Variants in NLRP11 observed in about 807,000 individuals in gnomAD.
NLRP11 encodes NACHT, LRR and PYD domains-containing protein 11.
NLRP11 carries 53 observed loss-of-function variants against 79.3 expected under a neutral mutation model. The observed-to-expected ratio is 0.67, with a 90% CI of 0.54 to 0.84. NLRP11 has a LOEUF of 0.84. Among genes scored for constraint, NLRP11 ranks in the 40% least tolerant of loss-of-function variants. The probability of loss-of-function intolerance (pLI) is 0.00; values close to 1 mark genes in which losing one functional copy is unlikely to be tolerated. For missense variants in NLRP11, 1,264 were observed against 1,255.0 expected, an observed-to-expected ratio of 1.01 and a Z score of -0.11; for synonymous variants, 518 against 462.6, an observed-to-expected ratio of 1.12 and a Z score of -1.54.
At chr19:55,798,328 C>T (rs897143046) in intron 5 of NLRP11, 55 of 985,088 alleles carry the variant, frequency 5.6e-5, no homozygotes, top group Middle Eastern at 5.2e-4. Context: ...AAGTGAAAGC[C>T]GTTGAGGGCC....
upstream of NLRP11, among the ~76,000 whole-genome samples, chr19:55,835,753 C>T (rs1404693737): frequency 6.6e-6 from 1 of 150,542 alleles, no homozygotes; most frequent in South Asian, 2.1e-4. Context: ...GAGGCCGAGG[C>T]GGTCAGAACA....
chr19:55,819,907 C>T (rs1310105620), intron 1 of NLRP11, among the ~76,000 whole-genome samples: 1 of 152,104 alleles, frequency 6.6e-6, no homozygotes, highest in African/African-American at 2.4e-5. Flanking sequence ...ACCTCATATA[C>T]CAGGTACTAT....
chr19:55,813,159 C>G (rs1005429297), intron 2 of NLRP11, among the ~76,000 whole-genome samples: 4 of 152,146 alleles, frequency 2.6e-5, no homozygotes, highest in South Asian at 2.1e-4. Context: ...GAAACCCCAT[C>G]TCTACTAAAA....
chr19:55,785,615 T>C, exon 10 of NLRP11: 1 of 1,608,254 alleles, frequency 6.2e-7, no homozygotes, highest in African/African-American at 1.3e-5. Context: ...ACTGTTTACG[T>C]ACAACATGAT....
At chr19:55,816,752 G>A (rs1229047625) in intron 2 of NLRP11, among the ~76,000 whole-genome samples, 1 of 152,142 alleles carries the variant, frequency 6.6e-6, no homozygotes, top group East Asian at 1.9e-4. Flanking sequence ...GCTCTCTGCT[G>A]GGAAATCTGC....
chr19:55,793,555 C>CAAAA lies in NLRP11; in HGVS notation c.2343-1085_2343-1084insTTTT, dbSNP rs1385442204. On this transcript the variant is annotated intron_variant, in intron 6 of 9. Coordinates refer to ENST00000589093, the Ensembl canonical transcript of NLRP11. Reference sequence around the variant, plus strand: ...TGCACTCCAGCCTGGGTGACTGTCTCCAAAAAAAAAAAAAAAAAAAAAAAA... The same window carrying CAAAA: ...TGCACTCCAGCCTGGGTGACTGTCTCAAAACAAAAAAAAAAAAAAAAAAAAAAAA... Among the ~76,000 whole-genome samples the CAAAA allele has an allele frequency of 5.1e-3, 155 of 30,674 alleles. 1 individual carries two copies. The highest frequency in any genetic ancestry group is 7.5e-3 in the Non-Finnish European group (132 of 17,492). 20.1% of individuals were successfully genotyped at this position (30,674 alleles called of 152,430 possible).
At position 55,785,881 on chromosome 19, in the gene NLRP11, A is replaced by AAG; in HGVS notation, c.2856-11_2856-10insCT. On this transcript the variant is annotated splice_polypyrimidine_tract_variant and intron_variant, in intron 9 of 9. Coordinates refer to ENST00000589093, the Ensembl canonical transcript of NLRP11. ...GCCAGTTAATGGAAGCCTGAAGGAA[A>AAG]ACAGAGAGAGAACGCCGTTAATGCT... 1 of 1,609,296 alleles carries AAG rather than the reference A, an allele frequency of 6.2e-7. No individual in the cohort carries two copies. Among genetic ancestry groups the AAG allele is most frequent in the South Asian group, 1.1e-5 (1 of 90,170 alleles).
chr19:55,809,610 C>A lies in NLRP11; in HGVS notation c.1000G>T (p.Gly334Cys). ...CATAAGATGGCGACTCGGCACAGAC[C>A]CACGAGTATTTCATCCTCATGTACA... is the stretch of plus-strand genomic sequence containing the variant. Residue 334 changes from glycine (G) to cysteine (C), a missense_variant, in exon 3 of 10, where the codon GGT becomes TGT. Coordinates refer to ENST00000589093, the Ensembl canonical transcript of NLRP11. This position sits in a 1 kb window ranked among gnomAD's most constrained non-coding sequence, Gnocchi z 4.5. The A allele has an allele frequency of 6.2e-7, 1 of 1,614,176 alleles. No homozygotes were observed. The highest frequency in any genetic ancestry group is 8.5e-7 in the Non-Finnish European group (1 of 1,180,024).
chr19:55,793,291 G>A (rs58262967), intron 6 of NLRP11, among the ~76,000 whole-genome samples: 3,811 of 152,126 alleles, frequency 0.025, 51 homozygotes, highest in Middle Eastern at 0.068. Flanking sequence ...GAAATAGGCC[G>A]GGCACGGTGG....
chr19:55,817,848 C>A, intron 2 of NLRP11, 56 bp downstream of exon 2: 1 of 1,437,550 alleles, frequency 7.0e-7, no homozygotes, highest in Non-Finnish European at 9.4e-7. Flanking sequence ...GGCCCAACAC[C>A]CAGCTTCCTG....
Position 55,829,726 on chromosome 19 carries a change from G to A in NLRP11, c.-63+2237C>T, listed in dbSNP as rs75442481. Among the ~76,000 whole-genome samples the A allele has an allele frequency of 4.6e-3, 691 of 150,212 alleles. 6 individuals are homozygous for A. Among genetic ancestry groups the A allele is most frequent in the African/African-American group, 0.015 (615 of 40,968 alleles). On this transcript the variant is annotated intron_variant, in intron 1 of 9. Coordinates refer to ENST00000589093, the Ensembl canonical transcript of NLRP11. ...CACAAGAAAAAGCTCATAAAACAGC[G>A]TTTACAGAAGTATGAACTGTTTGAG...
At chr19:55,787,790 A>G (rs1404621400) in intron 9 of NLRP11, among the ~76,000 whole-genome samples, 2 of 152,192 alleles carry the variant, frequency 1.3e-5, no homozygotes, top group South Asian at 2.1e-4. Flanking sequence ...AAGTCTTTTC[A>G]GTGTTTCTTG....
intron 2 of NLRP11, among the ~76,000 whole-genome samples, chr19:55,817,149 G>C (rs1442111883): frequency 6.6e-6 from 1 of 150,698 alleles, no homozygotes; most frequent in Non-Finnish European, 1.5e-5. Flanking sequence ...CCTTACTCCT[G>C]CAAGAATGGC....
chr19:55,790,475 T>C (rs1181940288), intron 7 of NLRP11, among the ~76,000 whole-genome samples: 1 of 152,132 alleles, frequency 6.6e-6, no homozygotes, highest in African/African-American at 2.4e-5. Context: ...AATACATAAG[T>C]TTCTTATGTT....
chr19:55,819,493 G>C (rs376808962), intron 1 of NLRP11, among the ~76,000 whole-genome samples: 2 of 152,256 alleles, frequency 1.3e-5, no homozygotes, highest in South Asian at 4.1e-4. Context: ...TGTGACTAAA[G>C]AATCCATTCC....
rs749664925 is a variant in NLRP11 at position 55,792,338 on chromosome 19, GA to G, written c.2475del (p.Leu827CysfsTer8). 7.1e-5 allele frequency: 114 copies of G among 1,614,034 alleles called. No homozygotes were observed. The highest frequency in any genetic ancestry group is 9.0e-5 in the Non-Finnish European group (106 of 1,180,014). On this transcript the variant is annotated frameshift_variant, in exon 7 of 10. Coordinates refer to ENST00000589093, the Ensembl canonical transcript of NLRP11. LOFTEE classifies it high-confidence loss of function. The stretch of plus-strand genomic sequence containing the variant: ...AACTGACAGGTTGGAAACAGCAAGG[GA>G]AACGTCACATGCAACACTCCGTAAT...
chr19:55,788,563 AC>A (rs375500161), intron 9 of NLRP11, among the ~76,000 whole-genome samples: 8 of 151,624 alleles, frequency 5.3e-5, no homozygotes, highest in African/African-American at 1.9e-4. Flanking sequence ...ACATGGTGAA[AC>A]CCCGTCTCTA....
intron 2 of NLRP11, among the ~76,000 whole-genome samples, chr19:55,812,835 C>T (rs1289312998): frequency 6.6e-6 from 1 of 152,144 alleles, no homozygotes; most frequent in Non-Finnish European, 1.5e-5. Context: ...CCATTTCTCC[C>T]TTGTCACCTT....
chr19:55,793,971 C>T (rs1978552244), intron 6 of NLRP11, among the ~76,000 whole-genome samples: 1 of 152,116 alleles, frequency 6.6e-6, no homozygotes, highest in South Asian at 2.1e-4. Flanking sequence ...TAAATTTGGC[C>T]TTTTACAGGT....
Sources: allele counts gnomAD v4.1 joint callset (sites outside exome capture counted in the v4.1 genomes callset), GRCh38; gene constraint gnomAD v4.1.1; non-coding constraint Gnocchi (gnomAD v3.1); transcripts MANE v1.5; gene names NCBI Gene and HGNC (gene_info 2026-07-23, HGNC 2026-07-21).